GALR1: variants seen among roughly 807,000 people sequenced by gnomAD.
GALR1 encodes the protein galanin receptor type 1.
Under a neutral mutation model 17.9 loss-of-function variants are expected in GALR1, and 11 were observed. The ratio of observed to expected loss-of-function variants is 0.62; its 90% CI spans 0.39 to 1.02. The LOEUF is 1.02. GALR1 is among the 50% of genes least tolerant of loss of function. The pLI, the probability that GALR1 is intolerant of heterozygous loss-of-function variation, is 0.01. For synonymous variants in GALR1, 206 were observed against 205.7 expected, an observed-to-expected ratio of 1.00 and a Z score of -0.01; for missense variants, 441 against 456.9, an observed-to-expected ratio of 0.97 and a Z score of 0.32.
At chr18:77,264,481 C>T (rs1300248060) in intron 2 of GALR1, among the ~76,000 whole-genome samples, 2 of 152,148 alleles carry the variant, frequency 1.3e-5, no homozygotes, top group Non-Finnish European at 2.9e-5. Flanking sequence ...AGAAAACAGA[C>T]TGGTGGCCAC....
In GALR1 at chr18:77,270,128, T is replaced by C. The variant is rs1004898415; in HGVS notation, c.*1226T>C. 2 of 152,222 alleles carry C rather than the reference T, an allele frequency of 1.3e-5. No homozygotes were observed. Among genetic ancestry groups the C allele is most frequent in the African/African-American group, 2.4e-5 (1 of 41,454 alleles). The allele number at this position is 152,222 out of a possible 1,614,324, so 9.4% of individuals were successfully genotyped here. ...AAAATGGCATGAAAATATTAAATTG[T>C]CTTGTATCGGAAAAGTACTTTTCAG... On this transcript the variant is annotated 3_prime_UTR_variant, in exon 3 of 3. Transcript: ENST00000299727.
Position 77,251,004 on chromosome 18 carries a change from G to T in GALR1, c.456G>T (p.Ala152=). The T allele has an allele frequency of 6.2e-7, 1 of 1,604,804 alleles. No individual in the cohort carries two copies. Among genetic ancestry groups the T allele is most frequent in the African/African-American group, 1.3e-5 (1 of 75,054 alleles). ...CCTCCCTCAGGGTGTCCCGCAACGC[G>T]CTGCTGGGCGTGGGCTGCATCTGGG... ...RSSSLRVSRN[A]LLGVGCIWAL... The change falls in exon 1 of 3, where the codon GCG becomes GCT. Residue 152 remains alanine (A), a synonymous_variant. Coordinates refer to ENST00000299727, the MANE Select transcript of GALR1 (RefSeq NM_001480.4).
At chr18:77,251,806 C>T (rs1450550111) in intron 1 of GALR1, among the ~76,000 whole-genome samples, 2 of 152,236 alleles carry the variant, frequency 1.3e-5, no homozygotes, top group Non-Finnish European at 2.9e-5. Flanking sequence ...TTTGCCCTCG[C>T]TCCGAAGGCT....
rs149816752 is a variant in GALR1 at position 77,268,714 on chromosome 18, G to A, written c.862G>A (p.Ala288Thr). The change falls in exon 3 of 3, where the codon GCC becomes ACC. Residue 288 changes from alanine (A) to threonine (T), a missense_variant. Transcript: ENST00000299727. Reference sequence around the variant, plus strand: ...GGCTTCCTTCCTCTTCAGAATCACCGCCCACTGCCTGGCGTACAGCAATTC... The same window carrying A: ...GGCTTCCTTCCTCTTCAGAATCACCACCCACTGCCTGGCGTACAGCAATTC... ...TPASFLFRIT[A>T]HCLAYSNSSV... is the part of the protein sequence containing the mutation. The A allele has an allele frequency of 1.5e-5, 25 of 1,613,896 alleles. No homozygotes were observed. Among genetic ancestry groups the A allele is most frequent in the African/African-American group, 2.7e-5 (2 of 74,862 alleles).
chr18:77,263,075 A>T (rs761826622), intron 2 of GALR1, among the ~76,000 whole-genome samples: 3 of 152,220 alleles, frequency 2.0e-5, no homozygotes, highest in African/African-American at 7.2e-5. Flanking sequence ...AAAATTGTCT[A>T]AAAGAAACAA....
At chr18:77,253,001 C>CCAT (rs1568139257) in intron 1 of GALR1, among the ~76,000 whole-genome samples, 19 of 55,906 alleles carry the variant, frequency 3.4e-4, no homozygotes, top group East Asian at 1.7e-3. Context: ...ACCACCACCA[C>CCAT]CACCACCACC....
At chr18:77,264,854 G>A (rs1048777013) in intron 2 of GALR1, among the ~76,000 whole-genome samples, 3 of 152,096 alleles carry the variant, frequency 2.0e-5, no homozygotes, top group Non-Finnish European at 4.4e-5. Context: ...TAGCATGAAG[G>A]TAACTGCCCT....
At position 77,252,804 on chromosome 18, in the gene GALR1, T is replaced by C. The variant is rs761620655; in HGVS notation, c.666+1590T>C. On this transcript the variant is annotated intron_variant, in intron 1 of 2. Transcript: ENST00000299727. ...CGGAGGGTGCAGTGAGCCGAAATCG[T>C]GCCACTGAACTCTAGCCTGGCTGAC... Among the ~76,000 whole-genome samples, 200 of 149,580 alleles carry C rather than the reference T, an allele frequency of 1.3e-3. 1 individual carries two copies. The highest frequency in any genetic ancestry group is 3.4e-3 in the Middle Eastern group (1 of 294).
At chr18:77,266,335 T>C (rs1912943679) in intron 2 of GALR1, among the ~76,000 whole-genome samples, 1 of 152,184 alleles carries the variant, frequency 6.6e-6, no homozygotes, top group African/African-American at 2.4e-5. Context: ...ATTCAACAGT[T>C]TCTAGGAAGT....
chr18:77,268,525 T>TC (rs1912989127), intron 2 of GALR1, 60 bp from the exon 3 acceptor site: 2 of 1,129,142 alleles, frequency 1.8e-6, no homozygotes, highest in Non-Finnish European at 2.6e-6. Context: ...TTTCCTTCCT[T>TC]CTTCTTCTCC....
rs1293599102 is a variant in GALR1 at position 77,272,151 on chromosome 18, C to T, written c.*3249C>T. On this transcript the variant is annotated 3_prime_UTR_variant, in exon 3 of 3. Transcript: ENST00000299727. ...GATTTCCTCTCGATAATATTTACCA[C>T]AGATAAATTCATCTTTCAGCGCAGA... The T allele has an allele frequency of 1.3e-5, 2 of 152,172 alleles. No individual in the cohort carries two copies. Among genetic ancestry groups the T allele is most frequent in the African/African-American group, 2.4e-5 (1 of 41,434 alleles). The allele number at this position is 152,172 out of a possible 1,614,324, so 9.4% of individuals were successfully genotyped here. A position where few individuals can be genotyped will look rare whatever the true frequency, so the allele number is the denominator to read the frequency against.
chr18:77,260,019 G>A (rs182795567), intron 2 of GALR1, among the ~76,000 whole-genome samples: 1 of 152,092 alleles, frequency 6.6e-6, no homozygotes, highest in Non-Finnish European at 1.5e-5. Context: ...CAGGGATTTG[G>A]CTACTTGTTT....
chr18:77,261,585 C>G (rs956867727), intron 2 of GALR1, among the ~76,000 whole-genome samples: 7 of 152,204 alleles, frequency 4.6e-5, no homozygotes, highest in Admixed American at 2.0e-4. Flanking sequence ...AGTCTAAAAT[C>G]ACGCTCCTGC....
intron 2 of GALR1, among the ~76,000 whole-genome samples, chr18:77,267,132 A>C (rs1912959813): frequency 6.6e-6 from 1 of 152,234 alleles, no homozygotes; most frequent in South Asian, 2.1e-4. Context: ...GAAGCCATCG[A>C]ACAGAGGAGG....
At chr18:77,258,855 TGG>T (rs1912702779) in intron 2 of GALR1, among the ~76,000 whole-genome samples, 1 of 105,644 alleles carries the variant, frequency 9.5e-6, no homozygotes, top group Admixed American at 8.8e-5. Flanking sequence ...GTGGTGGTGA[TGG>T]TGGTGGTGAT....
chr18:77,252,995 C>CCACCACCACCACCACCATCACCACCAT (rs1912498625), intron 1 of GALR1, among the ~76,000 whole-genome samples: 1 of 43,716 alleles, frequency 2.3e-5, no homozygotes, highest in Non-Finnish European at 5.6e-5. Context: ...ACCATCACCA[C>CCACCACCACCACCACCATCACCACCAT]CACCACCACC....
At chr18:77,255,768 A>T (rs551082919) in intron 1 of GALR1, among the ~76,000 whole-genome samples, 1 of 152,322 alleles carries the variant, frequency 6.6e-6, no homozygotes, top group East Asian at 1.9e-4. Context: ...CCTGACATGT[A>T]GCAGGGACCT....
At chr18:77,252,865 A>C (rs1912454686) in intron 1 of GALR1, among the ~76,000 whole-genome samples, 1 of 138,674 alleles carries the variant, frequency 7.2e-6, no homozygotes, top group Non-Finnish European at 1.6e-5. Context: ...CACCACCACC[A>C]CCACCACCAC....
At chr18:77,264,714 A>G (rs965880328) in intron 2 of GALR1, among the ~76,000 whole-genome samples, 2 of 152,172 alleles carry the variant, frequency 1.3e-5, no homozygotes, top group African/African-American at 4.8e-5. Context: ...GGAAACTTAC[A>G]ATTATGGTGG....
Sources: allele counts gnomAD v4.1 joint callset (sites outside exome capture counted in the v4.1 genomes callset), GRCh38; gene constraint gnomAD v4.1.1; transcripts MANE v1.5; gene names NCBI Gene and HGNC (gene_info 2026-07-23, HGNC 2026-07-21).